VAV3: variants seen among roughly 807,000 people sequenced by gnomAD.
VAV3 encodes the protein guanine nucleotide exchange factor VAV3.
A neutral mutation model predicts 131.2 loss-of-function variants in VAV3; 94 were observed. The observed-to-expected ratio is 0.72, with a 90% CI of 0.61 to 0.85. VAV3 has a LOEUF of 0.85. Ranked by LOEUF, VAV3 falls within the 40% of genes least tolerant of loss-of-function variation. The pLI is 0.00. For synonymous variants in VAV3, 349 were observed against 342.0 expected, an observed-to-expected ratio of 1.02 and a Z score of -0.22; for missense variants, 939 against 1,002.7, an observed-to-expected ratio of 0.94 and a Z score of 0.86.
chr1:107,755,895 G>C (rs1664075353), intron 11 of VAV3, among the ~76,000 whole-genome samples: 1 of 152,128 alleles, frequency 6.6e-6, no homozygotes, highest in South Asian at 2.1e-4. Flanking sequence ...TAGAAGAAGG[G>C]CAATCATGAA....
chr1:107,813,544 T>C (rs1667421573), intron 2 of VAV3, among the ~76,000 whole-genome samples: 1 of 152,266 alleles, frequency 6.6e-6, no homozygotes, highest in African/African-American at 2.4e-5. Context: ...ATAGAATGGA[T>C]AATGATCAAA....
chr1:107,740,286 C>CAA lies in VAV3; in HGVS notation c.1502+8680_1502+8681dup, dbSNP rs11346449. Among the ~76,000 whole-genome samples the CAA allele has an allele frequency of 2.7e-3, 337 of 124,694 alleles. 1 individual carries two copies. Among genetic ancestry groups the CAA allele is most frequent in the Admixed American group, 4.0e-3 (47 of 11,876 alleles). 81.8% of individuals were successfully genotyped at this position (124,694 alleles called of 152,430 possible). On this transcript the variant is annotated intron_variant, in intron 15 of 26. Coordinates refer to ENST00000370056, the MANE Select transcript of VAV3 (RefSeq NM_006113.5). ...TGGGCGACAGAGCAAGACTCCATCT[C>CAA]AAAAAAAAAAAAAAATGCTTCTTGT...
chr1:107,798,519 C>T (rs1163856399), intron 2 of VAV3, among the ~76,000 whole-genome samples: 4 of 151,786 alleles, frequency 2.6e-5, no homozygotes, highest in African/African-American at 7.3e-5. Context: ...GAGATCGAGA[C>T]CATTCTGGCT....
At chr1:107,911,907 T>C (rs1672387908) in intron 1 of VAV3, among the ~76,000 whole-genome samples, 1 of 152,162 alleles carries the variant, frequency 6.6e-6, no homozygotes, top group Non-Finnish European at 1.5e-5. Flanking sequence ...ATAGACTTAC[T>C]GCAAACAGCG....
chr1:107,847,150 A>C (rs944682564), intron 2 of VAV3, among the ~76,000 whole-genome samples: 3 of 152,204 alleles, frequency 2.0e-5, no homozygotes, highest in African/African-American at 4.8e-5. Context: ...AAGGAAACCA[A>C]ACAACCTGCT....
At chr1:107,669,477 T>C (rs1410820625) in intron 19 of VAV3, 8 of 1,284,468 alleles carry the variant, frequency 6.2e-6, no homozygotes, top group Non-Finnish European at 8.1e-6. Context: ...GCACATCTAA[T>C]AAAGACAAGA....
intron 2 of VAV3, among the ~76,000 whole-genome samples, chr1:107,799,593 G>A (rs1570970769): frequency 6.6e-6 from 1 of 151,734 alleles, no homozygotes; most frequent in East Asian, 1.9e-4. Context: ...CATATTTCCA[G>A]AGTACATGCT....
intron 15 of VAV3, among the ~76,000 whole-genome samples, chr1:107,738,140 G>C (rs138351701): frequency 0.024 from 3,703 of 152,238 alleles, 146 homozygotes; most frequent in African/African-American, 0.083. Flanking sequence ...TCACTCATAG[G>C]TGGGAATTGA....
intron 20 of VAV3, among the ~76,000 whole-genome samples, chr1:107,641,261 G>T (rs553037942): frequency 6.6e-6 from 1 of 152,278 alleles, no homozygotes; most frequent in African/African-American, 2.4e-5. Flanking sequence ...TAAAATAGAT[G>T]TAAGCAAATA....
intron 15 of VAV3, among the ~76,000 whole-genome samples, chr1:107,721,381 T>C (rs1329626416): frequency 1.3e-5 from 2 of 152,136 alleles, no homozygotes; most frequent in Admixed American, 1.3e-4. Context: ...CAATAACCTT[T>C]ATCAAGGTCT....
At chr1:107,728,391 T>A (rs1425272325) in intron 15 of VAV3, among the ~76,000 whole-genome samples, 1 of 152,110 alleles carries the variant, frequency 6.6e-6, no homozygotes, top group African/African-American at 2.4e-5. Context: ...GAGGAAGTCT[T>A]CTGGGTCTGA....
intron 1 of VAV3, among the ~76,000 whole-genome samples, chr1:107,920,026 T>C (rs536719961): frequency 1.0e-3 from 152 of 152,330 alleles, no homozygotes; most frequent in Middle Eastern, 3.4e-3. Flanking sequence ...AATCTTTTCT[T>C]TCATAATGTC....
chr1:107,635,237 T>C (rs1481095911), intron 20 of VAV3, among the ~76,000 whole-genome samples: 2 of 151,936 alleles, frequency 1.3e-5, no homozygotes, highest in African/African-American at 4.8e-5. Context: ...CCAACAATGA[T>C]AGACTGGATT....
chr1:107,777,230 C>T lies in VAV3; in HGVS notation c.446+1G>A, dbSNP rs1253986448. On this transcript the variant is annotated splice_donor_variant, in intron 4 of 26. Coordinates refer to ENST00000370056, the MANE Select transcript of VAV3 (RefSeq NM_006113.5). LOFTEE classifies it high-confidence loss of function. The stretch of plus-strand genomic sequence containing the variant: ...AATTTTGCTTGAAATTTTCAACATA[C>T]TCTATTAAATCAGGAAGGCCTTTGT... 3.1e-6 allele frequency: 5 copies of T among 1,613,722 alleles called. No individual in the cohort carries two copies. In the South Asian group the frequency reaches 4.4e-5, roughly 14 times the overall value.
intron 20 of VAV3, among the ~76,000 whole-genome samples, chr1:107,639,001 T>A (rs747106681): frequency 2.0e-5 from 3 of 151,998 alleles, no homozygotes; most frequent in African/African-American, 4.8e-5. Flanking sequence ...CATATAAATA[T>A]ATGTGCACAT....
intron 17 of VAV3, among the ~76,000 whole-genome samples, chr1:107,699,281 A>C (rs1364131149): frequency 6.6e-6 from 1 of 152,272 alleles, no homozygotes; most frequent in Non-Finnish European, 1.5e-5. Flanking sequence ...TGATCAAAAC[A>C]AAGGGCCTAC....
chr1:107,907,280 C>G (rs906528038), intron 1 of VAV3, among the ~76,000 whole-genome samples: 1 of 152,154 alleles, frequency 6.6e-6, no homozygotes, highest in African/African-American at 2.4e-5. Context: ...AAGTTGGAAA[C>G]TATCTAAATT....
At chr1:107,652,506 T>C (rs1246895367) in intron 19 of VAV3, among the ~76,000 whole-genome samples, 1 of 152,170 alleles carries the variant, frequency 6.6e-6, no homozygotes, top group Non-Finnish European at 1.5e-5. Flanking sequence ...GAACTCTCTC[T>C]TGGGGTCTGG....
chr1:107,920,923 T>C (rs747933567), intron 1 of VAV3, among the ~76,000 whole-genome samples: 14 of 152,218 alleles, frequency 9.2e-5, no homozygotes, highest in Non-Finnish European at 1.3e-4. Flanking sequence ...ATCTCACATG[T>C]GTTATATACA....
Sources: allele counts gnomAD v4.1 joint callset (sites outside exome capture counted in the v4.1 genomes callset), GRCh38; gene constraint gnomAD v4.1.1; transcripts MANE v1.5; gene names NCBI Gene and HGNC (gene_info 2026-07-23, HGNC 2026-07-21).